ATRNL1: variants seen among roughly 807,000 people sequenced by gnomAD.
ATRNL1 encodes the protein attractin-like protein 1.
Under a neutral mutation model 182.7 loss-of-function variants are expected in ATRNL1, and 95 were observed. The ratio of observed to expected loss-of-function variants is 0.52; its 90% CI spans 0.44 to 0.62. The LOEUF (loss-of-function observed/expected upper bound fraction) is 0.62, where lower values mean the gene tolerates loss of function less well. Among genes scored for constraint, ATRNL1 ranks in the 20% least tolerant of loss-of-function variants. The pLI is 0.00. For synonymous variants in ATRNL1, 576 were observed against 568.3 expected, an observed-to-expected ratio of 1.01 and a Z score of -0.19; for missense variants, 1,471 against 1,679.5, an observed-to-expected ratio of 0.88 and a Z score of 2.17.
At chr10:115,313,095 A>G (rs112888277) in intron 17 of ATRNL1, among the ~76,000 whole-genome samples, 3,406 of 152,016 alleles carry the variant, frequency 0.022, 48 homozygotes, top group South Asian at 0.036. Context: ...CTTGAGTAAC[A>G]TAGTAGTCAA....
At chr10:115,321,471 A>G (rs528961311) in intron 18 of ATRNL1, among the ~76,000 whole-genome samples, 2 of 152,108 alleles carry the variant, frequency 1.3e-5, no homozygotes, top group South Asian at 2.1e-4. Flanking sequence ...CTGTAGTGGT[A>G]GCATTTGAGT....
intron 26 of ATRNL1, among the ~76,000 whole-genome samples, chr10:115,620,384 G>T (rs1320894793): frequency 6.6e-6 from 1 of 152,094 alleles, no homozygotes; most frequent in African/African-American, 2.4e-5. Flanking sequence ...CATGAGAATT[G>T]GAGGGACAGA....
chr10:115,743,268 A>G (rs1948192827), intron 27 of ATRNL1, among the ~76,000 whole-genome samples: 1 of 147,380 alleles, frequency 6.8e-6, no homozygotes, highest in Non-Finnish European at 1.5e-5. Flanking sequence ...CAACTCTTCT[A>G]TATAATGTAC....
At chr10:115,455,379 A>G (rs1359875499) in intron 21 of ATRNL1, among the ~76,000 whole-genome samples, 2 of 152,178 alleles carry the variant, frequency 1.3e-5, no homozygotes, top group Non-Finnish European at 2.9e-5. Flanking sequence ...GAAACAAGCA[A>G]TGAGGAAAGG....
At chr10:115,350,599 A>G (rs1592501645) in intron 19 of ATRNL1, among the ~76,000 whole-genome samples, 1 of 151,862 alleles carries the variant, frequency 6.6e-6, no homozygotes, top group East Asian at 1.9e-4. Context: ...GTGTGGGTTT[A>G]TTTCTGGCCT....
chr10:115,716,669 T>C (rs1947261793), intron 26 of ATRNL1, among the ~76,000 whole-genome samples: 1 of 152,110 alleles, frequency 6.6e-6, no homozygotes, highest in African/African-American at 2.4e-5. Flanking sequence ...TGAGCTTTGT[T>C]GCAGCAAGAG....
At chr10:115,553,930 T>C (rs1192400261) in intron 26 of ATRNL1, among the ~76,000 whole-genome samples, 3 of 151,438 alleles carry the variant, frequency 2.0e-5, no homozygotes, top group Non-Finnish European at 3.0e-5. Flanking sequence ...TACTCTTTTC[T>C]CCTTAGACAC....
chr10:115,199,047 T>A (rs1443963198), intron 8 of ATRNL1, among the ~76,000 whole-genome samples: 1 of 152,100 alleles, frequency 6.6e-6, no homozygotes, highest in Admixed American at 6.6e-5. Context: ...AAAAATGTCA[T>A]TGAGAGTGTG....
At position 115,945,248 on chromosome 10, in the gene ATRNL1, T is replaced by C. The variant is rs189843166; in HGVS notation, c.*469T>C. 1 of 152,436 alleles carries C rather than the reference T, an allele frequency of 6.6e-6. No homozygotes were observed. Among genetic ancestry groups the C allele is most frequent in the East Asian group, 1.9e-4 (1 of 5,172 alleles). 9.4% of individuals were successfully genotyped at this position (152,436 alleles called of 1,614,324 possible). ...CTTTAAATGCTCTTTTATCTCGTTG[T>C]AAAGGTAAGGCAAGATTTTGATGTA... On this transcript the variant is annotated 3_prime_UTR_variant, in exon 29 of 29. Coordinates refer to ENST00000355044, the MANE Select transcript of ATRNL1 (RefSeq NM_207303.4).
At chr10:115,100,572 T>G (rs1213921246) in intron 1 of ATRNL1, among the ~76,000 whole-genome samples, 2 of 152,206 alleles carry the variant, frequency 1.3e-5, no homozygotes, top group Non-Finnish European at 2.9e-5. Flanking sequence ...ATATTTGTGT[T>G]TCTATTTCTG....
At chr10:115,721,206 C>G (rs1453395790) in intron 26 of ATRNL1, among the ~76,000 whole-genome samples, 1 of 152,086 alleles carries the variant, frequency 6.6e-6, no homozygotes, top group African/African-American at 2.4e-5. Flanking sequence ...ATTATATAAT[C>G]AGTGTTATCC....
chr10:115,489,092 TTTC>T (rs782005347), intron 24 of ATRNL1, among the ~76,000 whole-genome samples: 2 of 152,170 alleles, frequency 1.3e-5, no homozygotes, highest in Non-Finnish European at 2.9e-5. Context: ...TGAGAGACTG[TTTC>T]TTATGATTTC....
At chr10:115,249,284 G>A (rs1452412965) in intron 10 of ATRNL1, among the ~76,000 whole-genome samples, 1 of 151,990 alleles carries the variant, frequency 6.6e-6, no homozygotes, top group Non-Finnish European at 1.5e-5. Context: ...GTGAGCCACC[G>A]TGCCTGGCCA....
At chr10:115,828,115 C>T (rs782289118) in intron 27 of ATRNL1, among the ~76,000 whole-genome samples, 2 of 152,052 alleles carry the variant, frequency 1.3e-5, no homozygotes, top group South Asian at 2.1e-4. Flanking sequence ...GTCTGGAGTT[C>T]GATACCAGCC....
chr10:115,920,650 C>T (rs1565488636), intron 28 of ATRNL1, among the ~76,000 whole-genome samples: 2 of 152,178 alleles, frequency 1.3e-5, no homozygotes, highest in African/African-American at 2.4e-5. Flanking sequence ...TAGATTTAAG[C>T]TGTCCCTTGA....
chr10:115,135,371 A>C (rs2143766096), intron 5 of ATRNL1, among the ~76,000 whole-genome samples: 1 of 152,342 alleles, frequency 6.6e-6, no homozygotes, highest in Non-Finnish European at 1.5e-5. Context: ...AAAAATCACA[A>C]GCATTCTTAT....
rs550232288 is a variant in ATRNL1 at position 115,698,593 on chromosome 10, C to G, written c.3796-28655C>G. On this transcript the variant is annotated intron_variant, in intron 26 of 28. Transcript: ENST00000355044. ...AAGAGATCCAGACCATCCTGACCAA[C>G]ATGGTAAAACCCCGTCTCTACTAAA... Among the ~76,000 whole-genome samples, 4 of 152,196 alleles carry G rather than the reference C, an allele frequency of 2.6e-5. No individual in the cohort carries two copies. In the East Asian group the frequency reaches 7.7e-4, roughly 29 times the overall value.
At chr10:115,575,833 C>A (rs1854671015) in intron 26 of ATRNL1, among the ~76,000 whole-genome samples, 1 of 152,088 alleles carries the variant, frequency 6.6e-6, no homozygotes, top group African/African-American at 2.4e-5. Flanking sequence ...TGCTATACAT[C>A]AGATCTCTAT....
chr10:115,533,353 T>G (rs541697046), intron 25 of ATRNL1, among the ~76,000 whole-genome samples: 1 of 152,214 alleles, frequency 6.6e-6, no homozygotes, highest in Admixed American at 6.5e-5. Context: ...ATCGAGGAAT[T>G]TATCCATTTC....
Sources: gnomAD v4.1 joint callset for allele counts (sites outside exome capture counted in the v4.1 genomes callset) on GRCh38, gnomAD v4.1.1 for gene constraint, MANE v1.5 for transcripts, NCBI Gene and HGNC (gene_info 2026-07-23, HGNC 2026-07-21) for gene names.